PTPA: variants seen among roughly 807,000 people sequenced by gnomAD.
PTPA encodes the protein serine/threonine-protein phosphatase 2A activator.
PTPA carries 13 observed loss-of-function variants against 43.6 expected under a neutral mutation model. The ratio of observed to expected loss-of-function variants is 0.30; its 90% CI spans 0.19 to 0.47. The LOEUF (loss-of-function observed/expected upper bound fraction) is 0.47. Among genes scored for constraint, PTPA ranks in the 20% least tolerant of loss-of-function variants. The probability of loss-of-function intolerance (pLI) is 0.99; values close to 1 mark genes in which losing one functional copy is unlikely to be tolerated. For synonymous variants in PTPA, 172 were observed against 158.2 expected, an observed-to-expected ratio of 1.09 and a Z score of -0.66; for missense variants, 329 against 411.9, an observed-to-expected ratio of 0.80 and a Z score of 1.74.
chr9:129,111,657 C>T (rs1278838675), intron 1 of PTPA, 26 bp downstream of exon 1: 3 of 1,277,178 alleles, frequency 2.3e-6, no homozygotes, highest in Non-Finnish European at 3.0e-6. Context: ...CCAGGCCGGG[C>T]CGGGGTCGGG....
At chr9:129,129,631 G>A (rs1356962035) in intron 4 of PTPA, among the ~76,000 whole-genome samples, 2 of 151,812 alleles carry the variant, frequency 1.3e-5, no homozygotes, top group East Asian at 1.9e-4. Flanking sequence ...CACCACGCCC[G>A]GCTAATTTTT....
At chr9:129,137,530 C>A in intron 7 of PTPA, 62 bp from the exon 8 acceptor site, 1 of 1,377,352 alleles carries the variant, frequency 7.3e-7, no homozygotes, top group Non-Finnish European at 1.0e-6. Flanking sequence ...GACTGCTGGG[C>A]CGGGTTGCCC....
chr9:129,134,137 T>G (rs908981813), intron 5 of PTPA, among the ~76,000 whole-genome samples: 1 of 152,160 alleles, frequency 6.6e-6, no homozygotes, highest in African/African-American at 2.4e-5. Flanking sequence ...GGCAAGGACT[T>G]ACTTGTCACT....
rs1851381843 is a variant in PTPA at position 129,147,494 on chromosome 9, C to T, written c.*30C>T. ...GGCCAAGCCGAAGAGCCACCCAGGC[C>T]ACAGTTCCTGTGCCTGCCTTCCCCA... On this transcript the variant is annotated 3_prime_UTR_variant, in exon 10 of 10. Coordinates refer to ENST00000393370, the MANE Select transcript of PTPA (RefSeq NM_178000.3). 1.9e-6 allele frequency: 3 copies of T among 1,602,270 alleles called. No homozygotes were observed. Among genetic ancestry groups the T allele is most frequent in the Non-Finnish European group, 2.6e-6 (3 of 1,170,644 alleles).
chr9:129,147,425 C>A lies in PTPA; in HGVS notation c.933C>A (p.Phe311Leu). ...EKFPVIQHFK[F>L]GSLLPIHPVT... ...TCCCTGTGATCCAGCACTTCAAGTT[C>A]GGGAGCCTGCTGCCCATCCATCCTG... Residue 311 changes from phenylalanine to leucine, a missense_variant, in exon 10 of 10, where the codon TTC (phenylalanine) becomes TTA (leucine). Phe to Leu is a conservative substitution (Grantham distance 22, BLOSUM62 0). Coordinates refer to ENST00000393370, the MANE Select transcript of PTPA (RefSeq NM_178000.3). The A allele has an allele frequency of 6.2e-7, 1 of 1,613,968 alleles. No homozygotes were observed. The highest frequency in any genetic ancestry group is 2.2e-5 in the East Asian group (1 of 44,868).
chr9:129,129,747 G>A (rs142439827), intron 4 of PTPA, among the ~76,000 whole-genome samples: 1 of 152,144 alleles, frequency 6.6e-6, no homozygotes, highest in Non-Finnish European at 1.5e-5. Context: ...GGGATTACAG[G>A]TGTGAGCCAC....
rs1378782050 is a variant in PTPA at position 129,147,907 on chromosome 9, G to GC, written c.*444dup. The stretch of plus-strand genomic sequence containing the variant: ...AGGGTTGGAGCTGCTCCTTGCAGGG[G>GC]CGGGTCAGTTTCCCAGGCCATGCCG... On this transcript the variant is annotated 3_prime_UTR_variant, in exon 10 of 10. Transcript: ENST00000393370. 6.4e-6 allele frequency: 1 copy of GC among 155,862 alleles called. No individual in the cohort carries two copies. Among genetic ancestry groups the GC allele is most frequent in the Non-Finnish European group, 1.4e-5 (1 of 70,524 alleles). The allele number at this position is 155,862 out of a possible 1,614,324, so 9.7% of individuals were successfully genotyped here.
At chr9:129,123,471 C>CA (rs746317993) in intron 3 of PTPA, among the ~76,000 whole-genome samples, 14,472 of 137,362 alleles carry the variant, frequency 0.11, 2,299 homozygotes, top group African/African-American at 0.35. Flanking sequence ...GACTCTGTCT[C>CA]AAAAAAAAAA....
intron 3 of PTPA, among the ~76,000 whole-genome samples, chr9:129,128,688 G>T (rs915397976): frequency 2.0e-5 from 3 of 152,170 alleles, no homozygotes; most frequent in Non-Finnish European, 4.4e-5. Flanking sequence ...AAGATGTCAG[G>T]GCTGGAGTTA....
At chr9:129,146,612 A>G (rs1296539750) in intron 9 of PTPA, among the ~76,000 whole-genome samples, 1 of 152,184 alleles carries the variant, frequency 6.6e-6, no homozygotes, top group Non-Finnish European at 1.5e-5. Flanking sequence ...GCATGCCCAG[A>G]ACGGCTCCTG....
intron 8 of PTPA, 154 bp from the exon 9 acceptor site, chr9:129,142,291 A>G (rs1006786254): frequency 9.7e-6 from 6 of 620,772 alleles, no homozygotes; most frequent in East Asian, 3.0e-5. Flanking sequence ...GGCAGATGCT[A>G]TAGCTTGGTC....
Position 129,117,706 on chromosome 9 carries a change from CT to C in PTPA, c.32-2796del, listed in dbSNP as rs34541460. Among the ~76,000 whole-genome samples, 9 of 141,360 alleles carry C rather than the reference CT, an allele frequency of 6.4e-5. No homozygotes were observed. In the East Asian group the frequency reaches 8.4e-4, roughly 13 times the overall value. The allele number at this position is 141,360 out of a possible 152,430, so 92.7% of individuals were successfully genotyped here. The stretch of plus-strand genomic sequence containing the variant: ...AGGTGTGAGCCACCACACCCAGCCT[CT>C]TTTTTTTTTTAAGACAGTCTCACTC... On this transcript the variant is annotated intron_variant, in intron 1 of 9. Coordinates refer to ENST00000393370, the MANE Select transcript of PTPA (RefSeq NM_178000.3).
At chr9:129,113,004 A>G (rs1050435817) in intron 1 of PTPA, among the ~76,000 whole-genome samples, 2 of 151,866 alleles carry the variant, frequency 1.3e-5, no homozygotes, top group African/African-American at 4.8e-5. Flanking sequence ...TGGAAGCAGA[A>G]TTGTCTTGGG....
chr9:129,124,363 C>CT (rs1849443201), intron 3 of PTPA, among the ~76,000 whole-genome samples: 1 of 1,808 alleles, frequency 5.5e-4, no homozygotes, highest in African/African-American at 8.2e-4. Flanking sequence ...TTTAAACAGC[C>CT]CATCTTCAGA....
chr9:129,137,719 C>T (rs745727199), intron 8 of PTPA, 27 bp downstream of exon 8: 1 of 1,538,922 alleles, frequency 6.5e-7, no homozygotes, highest in South Asian at 1.2e-5. Flanking sequence ...AGAGAGAAGC[C>T]CATGGCTGCC....
intron 9 of PTPA, among the ~76,000 whole-genome samples, chr9:129,145,957 G>A (rs1295586978): frequency 6.6e-6 from 1 of 152,144 alleles, no homozygotes; most frequent in African/African-American, 2.4e-5. Context: ...CCTTGGCCCA[G>A]CTCCTGTGGC....
chr9:129,126,590 T>A (rs949985333), intron 3 of PTPA, among the ~76,000 whole-genome samples: 18 of 152,312 alleles, frequency 1.2e-4, no homozygotes, highest in African/African-American at 4.3e-4. Context: ...GTTGTTCTGT[T>A]TGCTTTTTTA....
Position 129,113,876 on chromosome 9 carries a change from TG to T in PTPA, c.31+2250del, listed in dbSNP as rs1331305529. ...AGATGAATGTGTCCCTGAAGATGAG[TG>T]GGGGTGGGGAGTGGGAGGAGAGAGA... On this transcript the variant is annotated intron_variant, in intron 1 of 9. Transcript: ENST00000393370. Among the ~76,000 whole-genome samples, 9 of 151,486 alleles carry T rather than the reference TG, an allele frequency of 5.9e-5. No homozygotes were observed. The East Asian group carries it at 1.7e-3, about 29-fold the overall frequency.
chr9:129,147,194 G>A (rs564179153), intron 9 of PTPA, among the ~76,000 whole-genome samples, 193 bp from the exon 10 acceptor site: 11 of 151,906 alleles, frequency 7.2e-5, no homozygotes, highest in Non-Finnish European at 1.0e-4. Flanking sequence ...TCTCTCTCTC[G>A]TGGGTCTCGT....
Sources: allele counts gnomAD v4.1 joint callset (sites outside exome capture counted in the v4.1 genomes callset), GRCh38; gene constraint gnomAD v4.1.1; transcripts MANE v1.5; gene names NCBI Gene and HGNC (gene_info 2026-07-23, HGNC 2026-07-21).